The following MRC2 variants were observed in gnomAD, a reference collection of about 807,000 sequenced individuals.
The protein encoded by MRC2 is C-type mannose receptor 2.
Under a neutral mutation model 206.2 loss-of-function variants are expected in MRC2, and 84 were observed. The ratio of observed to expected loss-of-function variants is 0.41; its 90% confidence interval spans 0.34 to 0.49. The LOEUF is 0.49. Ranked by LOEUF, MRC2 falls within the 20% of genes least tolerant of loss-of-function variation. The probability of loss-of-function intolerance (pLI) is 0.31; values close to 1 mark genes in which losing one functional copy is unlikely to be tolerated. For synonymous variants in MRC2, 798 were observed against 800.0 expected (o/e 1.00, Z 0.04); for missense variants, 1,676 against 2,001.5 (o/e 0.84, Z 3.10).
In MRC2 at chr17:62,666,631, C is replaced by T. The variant is rs2088758885; in HGVS notation, c.859+12C>T. 6.4e-7 allele frequency: 1 copy of T among 1,559,686 alleles called. No homozygotes were observed. The highest frequency in any genetic ancestry group is 1.4e-5 in the African/African-American group (1 of 74,010). On this transcript the variant is annotated intron_variant, in intron 4 of 29. Transcript: ENST00000303375. This position sits in a 1 kb window ranked among gnomAD's most constrained non-coding sequence, Gnocchi z 5.0. ...GACCTACATCAACGGTGAGCCGGGG[C>T]CTGATGCCTGCTCGTGCCTCTGGAG...
At chr17:62,659,981 C>T (rs138650035) in intron 1 of MRC2, among the ~76,000 whole-genome samples, 18 of 152,270 alleles carry the variant, frequency 1.2e-4, no homozygotes, top group Non-Finnish European at 1.5e-5. Context: ...GCTGGGGTTA[C>T]AGTGGTGGAG....
intron 1 of MRC2, among the ~76,000 whole-genome samples, chr17:62,663,998 C>T (rs1399283627): frequency 1.3e-4 from 18 of 135,166 alleles, no homozygotes; most frequent in South Asian, 4.9e-4. Context: ...CTCGCTCTGT[C>T]GCCCAGGCTG....
Position 62,627,832 on chromosome 17 carries a change from C to G in MRC2, c.30C>G (p.Pro10=). The change falls in exon 1 of 30, where the codon CCC becomes CCG. Residue 10 remains proline (P), a synonymous_variant. Coordinates refer to ENST00000303375, the MANE Select transcript of MRC2 (RefSeq NM_006039.5). MGPGRPAPA[P]WPRHLLRCVL... The stretch of plus-strand genomic sequence containing the variant: ...GGCCCGGCCGGCCGGCCCCCGCGCC[C>G]TGGCCTCGTCACCTGCTGCGCTGCG... 20 of 1,465,382 alleles carry G rather than the reference C, an allele frequency of 1.4e-5. No homozygotes were observed. Among genetic ancestry groups the G allele is most frequent in the Non-Finnish European group, 1.8e-5 (20 of 1,116,658 alleles). 90.8% of individuals were successfully genotyped at this position (1,465,382 alleles called of 1,614,324 possible).
rs1334023252 is a variant in MRC2, at chr17:62,688,505, C to T, written c.3066C>T (p.Phe1022=). 1.9e-6 allele frequency: 3 copies of T among 1,614,208 alleles called. No individual in the cohort carries two copies. Among genetic ancestry groups the T allele is most frequent in the Non-Finnish European group, 2.5e-6 (3 of 1,180,032 alleles). ...VTITNPLEQA[F]ITASLPNVTF... is the part of the protein sequence containing the mutation. ...ACTGTCTTCTGGGGACCATAGCATT[C>T]ATCACAGCCAGCCTGCCCAATGTGA... Residue 1022 remains phenylalanine (F), a synonymous_variant, in exon 22 of 30, where the codon TTC becomes TTT. Transcript: ENST00000303375.
intron 14 of MRC2, 38 bp downstream of exon 14, chr17:62,679,940 G>C: frequency 6.4e-7 from 1 of 1,556,300 alleles, no homozygotes; most frequent in Non-Finnish European, 8.8e-7. Context: ...GCGAGGCCGG[G>C]AGCTTGGTGG....
intron 1 of MRC2, among the ~76,000 whole-genome samples, chr17:62,642,836 CA>C (rs1490327716): frequency 2.0e-5 from 3 of 152,052 alleles, no homozygotes; most frequent in African/African-American, 4.8e-5. Flanking sequence ...TCATAATAGC[CA>C]AAAACTAAAA....
intron 18 of MRC2, chr17:62,681,608 T>C: frequency 3.8e-6 from 2 of 521,036 alleles, no homozygotes; most frequent in Non-Finnish European, 6.7e-6. Flanking sequence ...TCAGGCTTCT[T>C]TTCTGGAGCA....
At chr17:62,690,569 C>G (rs900287537) in intron 26 of MRC2, 73 bp from the exon 27 acceptor site, 2 of 1,515,296 alleles carry the variant, frequency 1.3e-6, no homozygotes, top group Non-Finnish European at 1.8e-6. Context: ...GAGAAGAGGG[C>G]TGGAGCAGCT....
intron 2 of MRC2, among the ~76,000 whole-genome samples, chr17:62,665,359 C>T (rs1267298532): frequency 2.0e-5 from 3 of 150,308 alleles, no homozygotes; most frequent in Non-Finnish European, 4.4e-5. Flanking sequence ...GCTGAGATTG[C>T]GCCACTGCAC....
At chr17:62,628,994 T>A (rs2084193963) in intron 1 of MRC2, among the ~76,000 whole-genome samples, 1 of 152,128 alleles carries the variant, frequency 6.6e-6, no homozygotes, top group African/African-American at 2.4e-5. Context: ...TGGGTTGGCC[T>A]GGCGTGACGT....
chr17:62,690,835 C>T, intron 27 of MRC2, 74 bp downstream of exon 27: 1 of 1,509,248 alleles, frequency 6.6e-7, no homozygotes, highest in Non-Finnish European at 8.9e-7. Flanking sequence ...TTGCCCTGAG[C>T]CTTGTCCTGG....
intron 13 of MRC2, 132 bp from the exon 14 acceptor site, chr17:62,679,668 G>A: frequency 1.4e-6 from 1 of 724,572 alleles, no homozygotes. Flanking sequence ...GGGTCAATGT[G>A]AAGCCCAGAT....
chr17:62,662,755 CA>C (rs989962495), intron 1 of MRC2, among the ~76,000 whole-genome samples: 37 of 151,794 alleles, frequency 2.4e-4, no homozygotes, highest in African/African-American at 8.7e-4. Context: ...ACTAAAAATA[CA>C]AAAAAATTAG....
chr17:62,656,540 T>C (rs2088621438), intron 1 of MRC2, among the ~76,000 whole-genome samples: 1 of 152,204 alleles, frequency 6.6e-6, no homozygotes, highest in Admixed American at 6.5e-5. Context: ...ATGATTATCA[T>C]CTGTATGGGA....
At chr17:62,635,203 T>C (rs1419967767) in intron 1 of MRC2, among the ~76,000 whole-genome samples, 1 of 150,436 alleles carries the variant, frequency 6.6e-6, no homozygotes, top group Non-Finnish European at 1.5e-5. Context: ...TTTTTTTTTT[T>C]TTTTTTTTTC....
rs551821143 is a variant in MRC2, at chr17:62,684,059, A to G, written c.2946+1682A>G. ...GTTCAACAAAAAAATTGTCTAAATA[A>G]TTTTAATAAGAGCAATGTGATTACA... On this transcript the variant is annotated intron_variant, in intron 20 of 29. Transcript: ENST00000303375. The G allele has an allele frequency of 2.6e-5, 4 of 152,326 alleles. No homozygotes were observed. The South Asian group carries it at 8.3e-4, about 32-fold the overall frequency. The allele number at this position is 152,326 out of a possible 1,614,324, so 9.4% of individuals were successfully genotyped here.
Position 62,664,220 on chromosome 17 carries a change from A to G in MRC2, c.119-328A>G, listed in dbSNP as rs1394429268. Among the ~76,000 whole-genome samples, 2 of 151,970 alleles carry G rather than the reference A, an allele frequency of 1.3e-5. No homozygotes were observed. The highest frequency in any genetic ancestry group is 2.9e-5 in the Non-Finnish European group (2 of 67,960). On this transcript the variant is annotated intron_variant, in intron 1 of 29. Transcript: ENST00000303375. This position sits in a 1 kb window ranked among gnomAD's most constrained non-coding sequence, Gnocchi z 4.7. ...GTGATCCGCCCGCCTCGGCCTCCCA[A>G]AGTGCTGGGATTACAGGCGTGAGCC...
chr17:62,660,236 C>A (rs2088664742), intron 1 of MRC2, among the ~76,000 whole-genome samples: 2 of 152,174 alleles, frequency 1.3e-5, no homozygotes, highest in Admixed American at 6.5e-5. Flanking sequence ...AACACACTAC[C>A]TGGTTTGAGG....
chr17:62,664,238 C>T lies in MRC2; in HGVS notation c.119-310C>T, dbSNP rs968511829. On this transcript the variant is annotated intron_variant, in intron 1 of 29. Transcript: ENST00000303375. The surrounding 1 kb of genome is among the most constrained non-coding windows in gnomAD (Gnocchi z 4.7). ...CCTCCCAAAGTGCTGGGATTACAGG[C>T]GTGAGCCACCGCGCCCGGCCTGGGT... 1.3e-5 allele frequency among the ~76,000 whole-genome samples: 2 copies of T among 151,950 alleles called. No individual in the cohort carries two copies. The highest frequency in any genetic ancestry group is 2.4e-5 in the African/African-American group (1 of 41,274).
Sources: gnomAD v4.1 joint callset for allele counts (sites outside exome capture counted in the v4.1 genomes callset) on GRCh38, gnomAD v4.1.1 for gene constraint, Gnocchi (gnomAD v3.1) non-coding constraint, MANE v1.5 for transcripts, NCBI Gene and HGNC (gene_info 2026-07-23, HGNC 2026-07-21) for gene names.